Variants in FLRT1 observed in about 807,000 individuals in gnomAD.
FLRT1 encodes the protein leucine-rich repeat transmembrane protein FLRT1.
A neutral mutation model predicts 30.9 loss-of-function variants in FLRT1; 14 were observed. That is an observed-to-expected ratio of 0.45 (90% CI 0.30 to 0.71). FLRT1 has a LOEUF of 0.71. Ranked by LOEUF, FLRT1 falls within the 30% of genes least tolerant of loss-of-function variation. FLRT1 has a pLI of 0.08. For missense variants in FLRT1, 737 were observed against 949.2 expected, an observed-to-expected ratio of 0.78 and a Z score of 2.94; for synonymous variants, 368 against 430.4, an observed-to-expected ratio of 0.85 and a Z score of 1.80.
intron 2 of FLRT1, among the ~76,000 whole-genome samples, chr11:64,110,990 G>A (rs1437850724): frequency 1.3e-5 from 2 of 152,214 alleles, no homozygotes; most frequent in Admixed American, 1.3e-4. Flanking sequence ...TGGCCAAGAT[G>A]GATGAGGCCC....
chr11:64,089,418 T>A (rs1022905536), intron 1 of FLRT1, among the ~76,000 whole-genome samples: 2 of 152,094 alleles, frequency 1.3e-5, no homozygotes, highest in Non-Finnish European at 1.5e-5. Flanking sequence ...AGATTCCCCA[T>A]CTGTAACATG....
chr11:64,114,529 G>T (rs1328058963), intron 2 of FLRT1, among the ~76,000 whole-genome samples: 2 of 130,748 alleles, frequency 1.5e-5, no homozygotes, highest in African/African-American at 2.6e-5. Context: ...GGATGGACAG[G>T]TGGATGTATG....
intron 1 of FLRT1, among the ~76,000 whole-genome samples, chr11:64,051,519 G>A (rs1305112320): frequency 1.3e-5 from 2 of 152,216 alleles, no homozygotes; most frequent in Non-Finnish European, 2.9e-5. Context: ...GCTCCTGGGC[G>A]GCAGAGCTGT....
chr11:64,054,126 G>A (rs2134419425), intron 1 of FLRT1, among the ~76,000 whole-genome samples: 1 of 152,218 alleles, frequency 6.6e-6, no homozygotes, highest in South Asian at 2.1e-4. Context: ...AGTTCTACCA[G>A]GCAGGAGCCT....
At chr11:64,042,969 G>A (rs1943517215) in intron 1 of FLRT1, among the ~76,000 whole-genome samples, 1 of 152,238 alleles carries the variant, frequency 6.6e-6, no homozygotes, top group Admixed American at 6.5e-5. Flanking sequence ...CCTGTCCAGT[G>A]CCATGTGGTA....
chr11:64,050,226 C>T (rs1943667557), intron 1 of FLRT1, among the ~76,000 whole-genome samples: 1 of 152,102 alleles, frequency 6.6e-6, no homozygotes, highest in Non-Finnish European at 1.5e-5. Context: ...CAGGGAGGGC[C>T]GATGACCCAT....
chr11:64,107,265 A>C (rs1944778542), intron 2 of FLRT1, among the ~76,000 whole-genome samples: 1 of 152,250 alleles, frequency 6.6e-6, no homozygotes, highest in Non-Finnish European at 1.5e-5. Context: ...ACAGACAGAA[A>C]TATCAGGTGT....
chr11:64,086,032 G>A (rs1944387984), intron 1 of FLRT1, among the ~76,000 whole-genome samples: 1 of 151,778 alleles, frequency 6.6e-6, no homozygotes, highest in South Asian at 2.1e-4. Flanking sequence ...GGTGGAGGTG[G>A]CCACAGCCTG....
rs550295014 is a variant in FLRT1 at position 64,092,145 on chromosome 11, G to A, written c.-1037-11049G>A. Among the ~76,000 whole-genome samples, 9 of 152,368 alleles carry A rather than the reference G, an allele frequency of 5.9e-5. No homozygotes were observed. In the South Asian group the frequency reaches 1.7e-3, roughly 28 times the overall value. On this transcript the variant is annotated intron_variant, in intron 1 of 2. Coordinates refer to ENST00000682287, the MANE Select transcript of FLRT1 (RefSeq NM_013280.5). ...AAGCTTGGCCCGTGTTAGGGTCGCCGTGGCATCCCGAGTGGGTGGAGTCAC... is the reference window on the plus strand; with the variant it reads ...AAGCTTGGCCCGTGTTAGGGTCGCCATGGCATCCCGAGTGGGTGGAGTCAC...
chr11:64,059,916 G>T (rs1476438095), intron 1 of FLRT1, among the ~76,000 whole-genome samples: 1 of 152,142 alleles, frequency 6.6e-6, no homozygotes, highest in African/African-American at 2.4e-5. Context: ...GCTGGCAACC[G>T]CGACCTCCTG....
intron 1 of FLRT1, among the ~76,000 whole-genome samples, chr11:64,089,427 T>C (rs1158538977): frequency 2.6e-5 from 4 of 152,134 alleles, no homozygotes; most frequent in South Asian, 4.1e-4. Context: ...ATCTGTAACA[T>C]GGAGGAGTCG....
At chr11:64,113,871 CATGGATGGATGGATGG>C (rs202172057) in intron 2 of FLRT1, among the ~76,000 whole-genome samples, 2 of 77,806 alleles carry the variant, frequency 2.6e-5, no homozygotes, top group East Asian at 3.3e-4. Context: ...TGGATTGATA[CATGGATGGATGGATGG>C]ATGGATGGAT....
At chr11:64,089,971 T>A (rs1944461441) in intron 1 of FLRT1, among the ~76,000 whole-genome samples, 1 of 152,186 alleles carries the variant, frequency 6.6e-6, no homozygotes, top group South Asian at 2.1e-4. Flanking sequence ...TTGGATAAGA[T>A]GGCGTCTTCA....
rs1048848155 is a variant in FLRT1 at position 64,077,748 on chromosome 11, C to T, written c.-1037-25446C>T. ...GGGTCACTACCCCTCACTGCATTGC[C>T]GAGGGAGGAGTCCCCAGCCCGTGGC... On this transcript the variant is annotated intron_variant, in intron 1 of 2. Coordinates refer to ENST00000682287, the MANE Select transcript of FLRT1 (RefSeq NM_013280.5). 1.1e-4 allele frequency among the ~76,000 whole-genome samples: 16 copies of T among 152,304 alleles called. No homozygotes were observed. In the East Asian group the frequency reaches 2.7e-3, roughly 26 times the overall value.
chr11:64,037,947 G>T (rs1478632105), intron 1 of FLRT1, among the ~76,000 whole-genome samples: 1 of 152,206 alleles, frequency 6.6e-6, no homozygotes, highest in East Asian at 1.9e-4. Flanking sequence ...TGTTGTTAGT[G>T]GTCCTGCTCC....
rs1042224142 is a variant in FLRT1 at position 64,116,361 on chromosome 11, C to T, written c.94C>T (p.Arg32Trp). 3.7e-6 allele frequency: 6 copies of T among 1,613,076 alleles called. No individual in the cohort carries two copies. The highest frequency in any genetic ancestry group is 4.5e-5 in the East Asian group (2 of 44,858). The change falls in exon 3 of 3, where the codon CGG (arginine) becomes TGG (tryptophan). Residue 32 changes from arginine (R) to tryptophan (W), a missense_variant. Transcript: ENST00000682287. ...GATGACCACGGCCACCATGGACCTGCGGGACTGGCTGTTCCTCTGCTACGG... is the reference window on the plus strand; with the variant it reads ...GATGACCACGGCCACCATGGACCTGTGGGACTGGCTGTTCCTCTGCTACGG... The part of the protein sequence containing the change: ...VVMTTATMDL[R>W]DWLFLCYGLI...
Position 64,085,795 on chromosome 11 carries a change from T to C in FLRT1, c.-1037-17399T>C, listed in dbSNP as rs530064956. Among the ~76,000 whole-genome samples, 8 of 152,266 alleles carry C rather than the reference T, an allele frequency of 5.3e-5. No homozygotes were observed. In the South Asian group the frequency reaches 1.7e-3, roughly 32 times the overall value. On this transcript the variant is annotated intron_variant, in intron 1 of 2. Transcript: ENST00000682287. ...CTTAACTTCTCAGGCCTCAGTTTCC[T>C]CAGCTGGGCAAGTCGGGGAATAACA...
At position 64,110,518 on chromosome 11, in the gene FLRT1, T is replaced by C. The variant is rs556391246; in HGVS notation, c.-49-5701T>C. ...GAGGCAGGATTTGAACCCAGGCCTC[T>C]CTGTCCTGGAGGTTGGCAGGGGACA... On this transcript the variant is annotated intron_variant, in intron 2 of 2. Coordinates refer to ENST00000682287, the MANE Select transcript of FLRT1 (RefSeq NM_013280.5). 1.6e-4 allele frequency among the ~76,000 whole-genome samples: 24 copies of C among 151,404 alleles called. No individual in the cohort carries two copies. The East Asian group carries it at 4.7e-3, about 29-fold the overall frequency.
At chr11:64,037,169 C>T (rs1241094898) in intron 1 of FLRT1, among the ~76,000 whole-genome samples, 1 of 152,172 alleles carries the variant, frequency 6.6e-6, no homozygotes, top group East Asian at 1.9e-4. Flanking sequence ...TGAGAACAGC[C>T]CTGCCTCACC....
Sources: allele counts gnomAD v4.1 joint callset (sites outside exome capture counted in the v4.1 genomes callset), GRCh38; gene constraint gnomAD v4.1.1; transcripts MANE v1.5; gene names NCBI Gene and HGNC (gene_info 2026-07-23, HGNC 2026-07-21).